Variants in PAFAH1B1 observed in about 807,000 individuals in gnomAD.
PAFAH1B1 encodes platelet activating factor acetylhydrolase 1b regulatory subunit 1.
PAFAH1B1 carries 2 observed loss-of-function variants against 57.5 expected under a neutral mutation model. That is an observed-to-expected ratio of 0.03 (90% CI 0.01 to 0.11). The LOEUF is 0.11. PAFAH1B1 is among the 10% of genes least tolerant of loss of function. The probability of loss-of-function intolerance (pLI) is 1.00; values close to 1 mark genes in which losing one functional copy is unlikely to be tolerated. For missense variants in PAFAH1B1, 257 were observed against 512.0 expected (o/e 0.50, Z 4.81); for synonymous variants, 152 against 169.6 (o/e 0.90, Z 0.81).
upstream of PAFAH1B1, chr17:2,593,605 C>A: frequency 4.7e-6 from 1 of 214,156 alleles, no homozygotes. Flanking sequence ...GCGGCGGCGG[C>A]GGCGGCGGCG....
intron 1 of PAFAH1B1, among the ~76,000 whole-genome samples, chr17:2,600,339 C>T (rs1021131002): frequency 2.6e-5 from 4 of 151,532 alleles, no homozygotes; most frequent in African/African-American, 9.7e-5. Context: ...TTTGGGAGGC[C>T]AAGGCGGGCA....
At chr17:2,638,599 C>T (rs1002659983) in intron 2 of PAFAH1B1, 6 of 353,028 alleles carry the variant, frequency 1.7e-5, no homozygotes, top group African/African-American at 1.1e-4. Flanking sequence ...CCTCCGCCTC[C>T]CAGGTTCAAG....
chr17:2,637,613 G>A (rs1453223217), intron 1 of PAFAH1B1, among the ~76,000 whole-genome samples: 1 of 152,140 alleles, frequency 6.6e-6, no homozygotes, highest in Non-Finnish European at 1.5e-5. Context: ...GCTAAGTAGT[G>A]TATGTTATAA....
intron 1 of PAFAH1B1, among the ~76,000 whole-genome samples, chr17:2,608,066 T>C (rs2068226244): frequency 1.3e-5 from 2 of 152,140 alleles, no homozygotes; most frequent in South Asian, 4.1e-4. Context: ...TAATTTCTTA[T>C]ATATGATACC....
chr17:2,665,600 T>C, intron 3 of PAFAH1B1, 144 bp downstream of exon 3: 1 of 572,490 alleles, frequency 1.7e-6, no homozygotes, highest in Non-Finnish European at 3.1e-6. Flanking sequence ...CTTTTTTTTT[T>C]ATTTTTTATT....
chr17:2,594,722 C>T (rs1183994656), intron 1 of PAFAH1B1, among the ~76,000 whole-genome samples: 6 of 152,360 alleles, frequency 3.9e-5, no homozygotes, highest in African/African-American at 1.4e-4. Context: ...CCACCGGCTC[C>T]TCGGTCGGGA....
chr17:2,647,548 C>G (rs529664396), intron 2 of PAFAH1B1, among the ~76,000 whole-genome samples: 3 of 151,860 alleles, frequency 2.0e-5, no homozygotes, highest in Admixed American at 2.0e-4. Flanking sequence ...AAAAGGAAAA[C>G]AAGAAGATTA....
rs191882439 is a variant in PAFAH1B1, at chr17:2,676,414, G to T, written c.901-91G>T. ...AAAACCAAAATGCAACAAAAAAATT[G>T]GAAATATATATCATTATTAGATAGA... On this transcript the variant is annotated intron_variant, in intron 8 of 10. Coordinates refer to ENST00000397195, the MANE Select transcript of PAFAH1B1 (RefSeq NM_000430.4). The T allele has an allele frequency of 1.2e-4, 100 of 836,540 alleles. No homozygotes were observed. In the East Asian group the frequency reaches 2.2e-3, roughly 19 times the overall value. 51.8% of individuals were successfully genotyped at this position (836,540 alleles called of 1,614,324 possible).
At chr17:2,656,926 G>A in intron 2 of PAFAH1B1, among the ~76,000 whole-genome samples, 1 of 152,126 alleles carries the variant, frequency 6.6e-6, no homozygotes, top group East Asian at 1.9e-4. Flanking sequence ...CTGATTTAGA[G>A]CAGTTTTTTT....
chr17:2,593,339 A>T (rs2068041937), upstream of PAFAH1B1: 1 of 152,550 alleles, frequency 6.6e-6, no homozygotes, highest in Non-Finnish European at 1.5e-5. Context: ...AGGTGAGCAG[A>T]GCCAGAGTTC....
intron 1 of PAFAH1B1, among the ~76,000 whole-genome samples, chr17:2,608,169 C>G (rs1211604418): frequency 1.3e-5 from 2 of 152,008 alleles, no homozygotes; most frequent in African/African-American, 4.8e-5. Context: ...ACTGCAACCT[C>G]CACCTCCCAG....
At chr17:2,634,379 C>T (rs900365012) in intron 1 of PAFAH1B1, among the ~76,000 whole-genome samples, 52 of 152,120 alleles carry the variant, frequency 3.4e-4, no homozygotes, top group African/African-American at 1.2e-3. Context: ...TCAGGTGATC[C>T]ACCCACCTTG....
At chr17:2,670,085 C>T in intron 5 of PAFAH1B1, 78 bp from the exon 6 acceptor site, 1 of 1,174,966 alleles carries the variant, frequency 8.5e-7, no homozygotes, top group South Asian at 1.2e-5. Flanking sequence ...AGGTGCCAGA[C>T]TGGCCTGCTG....
chr17:2,672,912 A>G (rs2069203175), intron 7 of PAFAH1B1, among the ~76,000 whole-genome samples, 155 bp downstream of exon 7: 1 of 152,174 alleles, frequency 6.6e-6, no homozygotes, highest in Non-Finnish European at 1.5e-5. Context: ...TACTAAAAAT[A>G]CAAAAATTAG....
intron 1 of PAFAH1B1, among the ~76,000 whole-genome samples, chr17:2,604,023 A>G (rs1467643226): frequency 1.3e-5 from 2 of 152,072 alleles, no homozygotes; most frequent in Middle Eastern, 3.4e-3. Context: ...GGCGTGAGCC[A>G]TCGCGCCTGG....
At position 2,597,403 on chromosome 17, in the gene PAFAH1B1, C is replaced by CTTTTTTTTTT. The variant is rs1187594089; in HGVS notation, c.-191+3413_-191+3422dup. Among the ~76,000 whole-genome samples, 21 of 64,392 alleles carry CTTTTTTTTTT rather than the reference C, an allele frequency of 3.3e-4. 3 individuals carry two copies. Among genetic ancestry groups the CTTTTTTTTTT allele is most frequent in the South Asian group, 1.3e-3 (2 of 1,568 alleles). The allele number at this position is 64,392 out of a possible 152,430, so 42.2% of individuals were successfully genotyped here. ...GCTTTTCTAGCTAGAACATCCGTGT[C>CTTTTTTTTTT]TTTTTTTTTTTTTTTTTTTTTTTTT... On this transcript the variant is annotated intron_variant, in intron 1 of 10. Coordinates refer to ENST00000397195, the MANE Select transcript of PAFAH1B1 (RefSeq NM_000430.4).
intron 5 of PAFAH1B1, among the ~76,000 whole-genome samples, chr17:2,669,165 C>T (rs930373724): frequency 2.6e-5 from 4 of 152,064 alleles, no homozygotes; most frequent in Non-Finnish European, 2.9e-5. Context: ...CTCCCCATTA[C>T]TGTCTGACCT....
At chr17:2,609,305 C>T (rs1037597571) in intron 1 of PAFAH1B1, among the ~76,000 whole-genome samples, 1 of 152,122 alleles carries the variant, frequency 6.6e-6, no homozygotes, top group African/African-American at 2.4e-5. Flanking sequence ...CCACCGCGCC[C>T]GGCTCCCGCT....
rs2069432085 is a variant in PAFAH1B1, at chr17:2,684,179, C to T, written c.*2377C>T. ...AACATTGAATCTCAGGGATGGCCCA[C>T]AACTGGGTCCACATGTAATGAGCCC... On this transcript the variant is annotated 3_prime_UTR_variant, in exon 11 of 11. Transcript: ENST00000397195. The T allele has an allele frequency of 6.6e-6, 1 of 152,644 alleles. No individual in the cohort carries two copies. Among genetic ancestry groups the T allele is most frequent in the Non-Finnish European group, 1.5e-5 (1 of 68,052 alleles). The allele number at this position is 152,644 out of a possible 1,614,324, so 9.5% of individuals were successfully genotyped here.
Sources: allele counts gnomAD v4.1 joint callset (sites outside exome capture counted in the v4.1 genomes callset), GRCh38; gene constraint gnomAD v4.1.1; transcripts MANE v1.5; gene names NCBI Gene and HGNC (gene_info 2026-07-23, HGNC 2026-07-21).